The following CCDC62 variants were observed in gnomAD, a reference collection of about 807,000 sequenced individuals.
CCDC62 encodes the protein coiled-coil domain containing 62.
A neutral mutation model predicts 80.8 loss-of-function variants in CCDC62; 72 were observed. The ratio of observed to expected loss-of-function variants is 0.89; its 90% CI spans 0.74 to 1.08. The LOEUF (loss-of-function observed/expected upper bound fraction) is 1.08, where lower values mean the gene tolerates loss of function less well. Among genes scored for constraint, CCDC62 ranks in the 50% least tolerant of loss-of-function variants. The pLI is 0.00. For synonymous variants in CCDC62, 286 were observed against 296.5 expected, an observed-to-expected ratio of 0.96 and a Z score of 0.36; for missense variants, 704 against 809.4, an observed-to-expected ratio of 0.87 and a Z score of 1.58.
intron 10 of CCDC62, among the ~76,000 whole-genome samples, chr12:122,809,108 C>T (rs1365102932): frequency 1.3e-5 from 2 of 152,210 alleles, no homozygotes; most frequent in African/African-American, 2.4e-5. Context: ...CCCAAAGAGA[C>T]GCTATTCTTT....
chr12:122,801,654 C>G lies in CCDC62; in HGVS notation c.1508C>G (p.Ala503Gly). Residue 503 changes from alanine to glycine, a missense_variant, in exon 9 of 13, where the codon GCC becomes GGC. Physicochemically the swap from Ala to Gly is moderately conservative, Grantham distance 60. Transcript: ENST00000253079. ...ATCTCATGCTGCCAGAAAAATGAAGCCTGTCTGGGCGAAAGTGGCATGTGT... is the reference window on the plus strand; with the variant it reads ...ATCTCATGCTGCCAGAAAAATGAAGGCTGTCTGGGCGAAAGTGGCATGTGT... ...SEISCCQKNE[A>G]CLGESGMCDS... is the part of the protein sequence containing the mutation. 6.2e-7 allele frequency: 1 copy of G among 1,614,158 alleles called. No individual in the cohort carries two copies. Among genetic ancestry groups the G allele is most frequent in the South Asian group, 1.1e-5 (1 of 91,070 alleles).
chr12:122,781,187 A>T lies in CCDC62; in HGVS notation c.253A>T (p.Ile85Leu). ...LEGELHKRTE[I>L]IRSLTKKVKA... Reference sequence around the variant, plus strand: ...AGGTGAACTACATAAAAGAACTGAAATAATCAGGTCACTCACGAAGAAGGT... The same window carrying T: ...AGGTGAACTACATAAAAGAACTGAATTAATCAGGTCACTCACGAAGAAGGT... Residue 85 changes from isoleucine (I) to leucine (L), a missense_variant, in exon 3 of 13, where the codon ATA (isoleucine) becomes TTA (leucine). Ile to Leu is a conservative substitution (Grantham distance 5). Transcript: ENST00000253079. 6.2e-7 allele frequency: 1 copy of T among 1,613,836 alleles called. No individual in the cohort carries two copies. Among genetic ancestry groups the T allele is most frequent in the South Asian group, 1.1e-5 (1 of 91,046 alleles).
rs774024082 is a variant in CCDC62 at position 122,806,249 on chromosome 12, C to T, written c.1805C>T (p.Pro602Leu). The change falls in exon 10 of 13, where the codon CCT becomes CTT. Residue 602 changes from proline to leucine, a missense_variant. Coordinates refer to ENST00000253079, the MANE Select transcript of CCDC62 (RefSeq NM_201435.5). ...TCCTCTTCCAATAAAAAGAACTCAC[C>T]TACGAGTTTGTTAATCTACAAAGAT... ...TESSSNKKNS[P>L]TSLLIYKDAP... 4 of 1,613,270 alleles carry T rather than the reference C, an allele frequency of 2.5e-6. No individual in the cohort carries two copies. Among genetic ancestry groups the T allele is most frequent in the Non-Finnish European group, 3.4e-6 (4 of 1,179,624 alleles).
rs764636974 is a variant in CCDC62, at chr12:122,813,291, C to G, written c.1873C>G (p.Gln625Glu). The change falls in exon 11 of 13, where the codon CAG (glutamine) becomes GAG (glutamate). Residue 625 changes from glutamine (Q) to glutamate (E), a missense_variant. Coordinates refer to ENST00000253079, the MANE Select transcript of CCDC62 (RefSeq NM_201435.5). ...GTAGGCTTCAATTGTGTTACCCTCC[C>G]AGGATGATTTCTCGCCCACGAGCAA... The part of the protein sequence containing the change: ...NEKASIVLPS[Q>E]DDFSPTSKLQ... 3 of 1,612,760 alleles carry G rather than the reference C, an allele frequency of 1.9e-6. No individual in the cohort carries two copies. The highest frequency in any genetic ancestry group is 2.5e-6 in the Non-Finnish European group (3 of 1,179,320).
intron 3 of CCDC62, among the ~76,000 whole-genome samples, chr12:122,783,833 C>T (rs1010970531): frequency 3.9e-5 from 6 of 152,308 alleles, no homozygotes; most frequent in African/African-American, 1.4e-4. Flanking sequence ...GCCTTCCCCA[C>T]GATCGACCTC....
intron 1 of CCDC62, among the ~76,000 whole-genome samples, chr12:122,776,227 T>G (rs534274117): frequency 6.6e-6 from 1 of 152,342 alleles, no homozygotes; most frequent in Non-Finnish European, 1.5e-5. Context: ...GTGAGGAAAC[T>G]AATGCTTAGA....
At chr12:122,789,003 A>G (rs1241559997) in intron 5 of CCDC62, 74 bp downstream of exon 5, 1 of 1,201,830 alleles carries the variant, frequency 8.3e-7, no homozygotes, top group Non-Finnish European at 1.1e-6. Flanking sequence ...GGTTCACTTA[A>G]TCTTATGCTT....
chr12:122,778,052 T>TAA lies in CCDC62; in HGVS notation c.229+372_229+373dup, dbSNP rs959809082. On this transcript the variant is annotated intron_variant, in intron 2 of 12. Transcript: ENST00000253079. ...GGTATTGAACTTGATCTTAAGTTCCTAAAATGGTCATCTTTTAAAGTTATA... is the reference window on the plus strand; with the variant it reads ...GGTATTGAACTTGATCTTAAGTTCCTAAAAAATGGTCATCTTTTAAAGTTATA... Among the ~76,000 whole-genome samples the TAA allele has an allele frequency of 1.3e-5, 2 of 152,258 alleles. 1 individual carries two copies. The highest frequency in any genetic ancestry group is 4.2e-4 in the South Asian group (2 of 4,816).
rs193294942 is a variant in CCDC62 at position 122,825,800 on chromosome 12, A to G, written c.*41-622A>G. Among the ~76,000 whole-genome samples, 693 of 140,872 alleles carry G rather than the reference A, an allele frequency of 4.9e-3. 18 individuals are homozygous for G. Among genetic ancestry groups the G allele is most frequent in the Admixed American group, 0.046 (620 of 13,610 alleles). 92.4% of individuals were successfully genotyped at this position (140,872 alleles called of 152,430 possible). A position where few individuals can be genotyped will look rare whatever the true frequency, so the allele number is the denominator to read the frequency against. The stretch of plus-strand genomic sequence containing the variant: ...CAGGAGTTTGAGACCATCCTGGCCA[A>G]CATGGCGAAACCCCGTCTCTACTAA... On this transcript the variant is annotated intron_variant, in intron 12 of 12. Coordinates refer to ENST00000253079, the MANE Select transcript of CCDC62 (RefSeq NM_201435.5).
At chr12:122,811,108 A>T (rs1419042865) in intron 10 of CCDC62, among the ~76,000 whole-genome samples, 1 of 152,070 alleles carries the variant, frequency 6.6e-6, no homozygotes, top group Non-Finnish European at 1.5e-5. Context: ...AACATGGCAC[A>T]TGTATACATA....
Position 122,801,820 on chromosome 12 carries a change from C to G in CCDC62, c.1674C>G (p.Ser558Arg). 1 of 1,614,040 alleles carries G rather than the reference C, an allele frequency of 6.2e-7. No individual in the cohort carries two copies. The highest frequency in any genetic ancestry group is 1.1e-5 in the South Asian group (1 of 91,086). Residue 558 changes from serine (S) to arginine (R), a missense_variant, in exon 9 of 13, where the codon AGC becomes AGG. Transcript: ENST00000253079. ...AATCTGGGTGCACCTGTTCAGAAAG[C>G]ATCTGTGGCACACAACATGACTCCC... ...RLKSGCTCSESICGTQHDSPA... is the reference protein window; with the variant it reads ...RLKSGCTCSERICGTQHDSPA...
chr12:122,788,048 A>G (rs2135539927), intron 4 of CCDC62, among the ~76,000 whole-genome samples: 1 of 152,316 alleles, frequency 6.6e-6, no homozygotes, highest in East Asian at 1.9e-4. Flanking sequence ...TGTGCAGACA[A>G]TGTGATTTTT....
chr12:122,797,169 C>T (rs1467287968), intron 6 of CCDC62, 138 bp from the exon 7 acceptor site: 2 of 534,180 alleles, frequency 3.7e-6, no homozygotes, highest in Non-Finnish European at 6.8e-6. Context: ...TGAGCCACTT[C>T]GTTCAGCCCA....
In CCDC62 at chr12:122,798,100, CAG is replaced by C. The variant is rs1200348086; in HGVS notation, c.880_881del (p.Ser294Ter). The stretch of plus-strand genomic sequence containing the variant: ...TCTATGACAGATTTATGTAAAACAA[CAG>C]AGTGATCTGCAGTTTCTTAATTTCA... ...HNLRQIYVKQ[Q>X]SDLQFLNFNV... On this transcript the variant is annotated frameshift_variant, in exon 8 of 13. Coordinates refer to ENST00000253079, the MANE Select transcript of CCDC62 (RefSeq NM_201435.5). LOFTEE classifies it high-confidence loss of function. 2.0e-6 allele frequency: 3 copies of C among 1,506,258 alleles called. No homozygotes were observed. Among genetic ancestry groups the C allele is most frequent in the African/African-American group, 2.8e-5 (2 of 72,678 alleles). 93.3% of individuals were successfully genotyped at this position (1,506,258 alleles called of 1,614,324 possible).
rs150099108 is a variant in CCDC62, at chr12:122,812,986, C to T, written c.1852-284C>T. 1.7e-3 allele frequency among the ~76,000 whole-genome samples: 259 copies of T among 151,834 alleles called. 2 individuals carry two copies. Among genetic ancestry groups the T allele is most frequent in the African/African-American group, 5.9e-3 (246 of 41,410 alleles). ...GCCGAGGCAGGAGGGTAACTTGAGGCCAGGAGTTCAAGACCAGCCTGGGCA... is the reference window on the plus strand; with the variant it reads ...GCCGAGGCAGGAGGGTAACTTGAGGTCAGGAGTTCAAGACCAGCCTGGGCA... On this transcript the variant is annotated intron_variant, in intron 10 of 12. Transcript: ENST00000253079.
chr12:122,791,429 G>T (rs1317411459), intron 5 of CCDC62, among the ~76,000 whole-genome samples: 1 of 151,646 alleles, frequency 6.6e-6, no homozygotes, highest in Admixed American at 6.6e-5. Flanking sequence ...GTGAGCCACT[G>T]CACTTGGCCT....
rs751645409 is a variant in CCDC62, at chr12:122,801,810, G to A, written c.1664G>A (p.Cys555Tyr). The stretch of plus-strand genomic sequence containing the variant: ...GTCCGCCTCAAATCTGGGTGCACCT[G>A]TTCAGAAAGCATCTGTGGCACACAA... ...RIVRLKSGCT[C>Y]SESICGTQHD... is the part of the protein sequence containing the mutation. The change falls in exon 9 of 13, where the codon TGT becomes TAT. Residue 555 changes from cysteine to tyrosine, a missense_variant. By Grantham distance (194) the Cys-to-Tyr change is radical. Coordinates refer to ENST00000253079, the MANE Select transcript of CCDC62 (RefSeq NM_201435.5). The A allele has an allele frequency of 3.7e-6, 6 of 1,614,092 alleles. No individual in the cohort carries two copies. Among genetic ancestry groups the A allele is most frequent in the Non-Finnish European group, 5.1e-6 (6 of 1,180,028 alleles).
At chr12:122,774,886 G>A (rs974615805) in intron 1 of CCDC62, among the ~76,000 whole-genome samples, 180 bp downstream of exon 1, 3 of 151,338 alleles carry the variant, frequency 2.0e-5, no homozygotes, top group Non-Finnish European at 4.4e-5. Context: ...TCAGGAGATC[G>A]AGACCATCCT....
At chr12:122,783,142 A>C (rs760918285) in intron 3 of CCDC62, among the ~76,000 whole-genome samples, 6 of 151,486 alleles carry the variant, frequency 4.0e-5, no homozygotes, top group Non-Finnish European at 8.8e-5. Flanking sequence ...TTTCTCTTCT[A>C]ACTGGTCAGT....
Sources: gnomAD v4.1 joint callset for allele counts (sites outside exome capture counted in the v4.1 genomes callset) on GRCh38, gnomAD v4.1.1 for gene constraint, MANE v1.5 for transcripts, NCBI Gene and HGNC (gene_info 2026-07-23, HGNC 2026-07-21) for gene names.